ADAMTSL1: variants seen among roughly 807,000 people sequenced by gnomAD.
The protein encoded by ADAMTSL1 is ADAMTS-like protein 1.
In ADAMTSL1, 126 loss-of-function variants were observed where a neutral mutation model predicts 201.8. That is an observed-to-expected ratio of 0.62 (90% CI 0.54 to 0.72). ADAMTSL1 has a LOEUF of 0.72. Ranked by LOEUF, ADAMTSL1 falls within the 30% of genes least tolerant of loss-of-function variation. ADAMTSL1 has a pLI of 0.00. For synonymous variants in ADAMTSL1, 1,121 were observed against 903.4 expected, an observed-to-expected ratio of 1.24 and a Z score of -4.32; for missense variants, 2,679 against 2,277.8, an observed-to-expected ratio of 1.18 and a Z score of -3.59.
At chr9:18,805,689 GC>G (rs920962048) in intron 20 of ADAMTSL1, among the ~76,000 whole-genome samples, 1 of 152,096 alleles carries the variant, frequency 6.6e-6, no homozygotes, top group Non-Finnish European at 1.5e-5. Flanking sequence ...CCCTGCCCCT[GC>G]CCCCTGCAGG....
intron 2 of ADAMTSL1, among the ~76,000 whole-genome samples, chr9:18,292,909 T>C (rs1833330264): frequency 6.6e-6 from 1 of 152,174 alleles, no homozygotes; most frequent in Non-Finnish European, 1.5e-5. Context: ...TTTAATAAAC[T>C]CCCTTTCATA....
rs1329668901 is a variant in ADAMTSL1, at chr9:18,574,122, T to G, written c.330T>G (p.Pro110=). ...ATGGCCAGTTTTATGAATGGCTTCC[T>G]GTGTCTAATGACCCTGACAACCCAT... ...KHHGQFYEWL[P]VSNDPDNPCS... The change falls in exon 4 of 29, where the codon CCT becomes CCG. Residue 110 remains proline (P), a synonymous_variant. Coordinates refer to ENST00000380548, the MANE Select transcript of ADAMTSL1 (RefSeq NM_001040272.6). The G allele has an allele frequency of 5.6e-6, 9 of 1,614,050 alleles. No individual in the cohort carries two copies. Among genetic ancestry groups the G allele is most frequent in the Non-Finnish European group, 4.2e-6 (5 of 1,180,016 alleles).
intron 2 of ADAMTSL1, among the ~76,000 whole-genome samples, chr9:18,442,884 T>G (rs537132632): frequency 6.6e-6 from 1 of 152,260 alleles, no homozygotes; most frequent in African/African-American, 2.4e-5. Flanking sequence ...GCAAATAGGA[T>G]TTAAACTTCT....
At chr9:18,618,726 G>A (rs903107921) in intron 4 of ADAMTSL1, among the ~76,000 whole-genome samples, 5 of 152,160 alleles carry the variant, frequency 3.3e-5, no homozygotes, top group Admixed American at 2.6e-4. Flanking sequence ...CAGCAGGAAG[G>A]TAGGAAGGCA....
chr9:18,485,425 AAC>A (rs1313432316), intron 1 of ADAMTSL1, among the ~76,000 whole-genome samples: 1 of 152,204 alleles, frequency 6.6e-6, no homozygotes, highest in African/African-American at 2.4e-5. Flanking sequence ...CTTTCCTTGA[AAC>A]ACAAAGATAA....
intron 2 of ADAMTSL1, among the ~76,000 whole-genome samples, chr9:18,187,437 G>T (rs1411797): frequency 6.6e-6 from 1 of 152,170 alleles, no homozygotes; most frequent in African/African-American, 2.4e-5. Context: ...TGATTTATTT[G>T]AAGATCTAAA....
intron 1 of ADAMTSL1, among the ~76,000 whole-genome samples, chr9:18,141,750 C>G (rs1220270279): frequency 6.6e-6 from 1 of 152,184 alleles, no homozygotes; most frequent in African/African-American, 2.4e-5. Flanking sequence ...GACAGCATCT[C>G]CTGCACATCA....
intron 1 of ADAMTSL1, among the ~76,000 whole-genome samples, chr9:17,947,560 G>GA (rs1341757795): frequency 6.6e-6 from 1 of 152,042 alleles, no homozygotes; most frequent in Non-Finnish European, 1.5e-5. Context: ...TTTTTAAACT[G>GA]AATTTGCAAT....
At chr9:18,733,889 C>T (rs1260217927) in intron 15 of ADAMTSL1, among the ~76,000 whole-genome samples, 1 of 151,832 alleles carries the variant, frequency 6.6e-6, no homozygotes, top group Non-Finnish European at 1.5e-5. Context: ...CTTTTTTTCT[C>T]ACTCTCCACC....
chr9:17,928,937 C>A (rs1826664840), intron 1 of ADAMTSL1, among the ~76,000 whole-genome samples: 1 of 152,098 alleles, frequency 6.6e-6, no homozygotes, highest in Non-Finnish European at 1.5e-5. Context: ...ACTCTGCTTA[C>A]CACTGCCTGC....
At chr9:18,051,294 C>T (rs556378176) in intron 1 of ADAMTSL1, among the ~76,000 whole-genome samples, 1 of 151,932 alleles carries the variant, frequency 6.6e-6, no homozygotes, top group East Asian at 1.9e-4. Flanking sequence ...GAGCAAGACT[C>T]CATCTCAAAA....
intron 1 of ADAMTSL1, among the ~76,000 whole-genome samples, chr9:18,054,989 G>T (rs546925272): frequency 6.6e-6 from 1 of 152,290 alleles, no homozygotes; most frequent in African/African-American, 2.4e-5. Context: ...TCCCCAGCCG[G>T]TGCTCTAGAG....
intron 19 of ADAMTSL1, among the ~76,000 whole-genome samples, chr9:18,779,058 A>C (rs113497459): frequency 1.3e-5 from 2 of 152,238 alleles, no homozygotes; most frequent in African/African-American, 4.8e-5. Flanking sequence ...CACTATGCCA[A>C]GTTTATTTAT....
intron 20 of ADAMTSL1, among the ~76,000 whole-genome samples, chr9:18,805,213 G>A (rs762391227): frequency 6.8e-4 from 103 of 152,164 alleles, no homozygotes; most frequent in African/African-American, 1.4e-3. Context: ...TAAGCTCTCC[G>A]CATCTGTCCA....
rs554028165 is a variant in ADAMTSL1, at chr9:18,194,577, C to G, written c.207+30596C>G. ...GAGAATGAGTTGAGATTCCTAAGAG[C>G]AAGAATCTTGCTTTCTTGCTGCAGA... On this transcript the variant is annotated intron_variant, in intron 2 of 29. Coordinates refer to the ADAMTSL1 transcript ENST00000680146. 3.3e-5 allele frequency among the ~76,000 whole-genome samples: 5 copies of G among 152,174 alleles called. No individual in the cohort carries two copies. The East Asian group carries it at 9.7e-4, about 30-fold the overall frequency.
At chr9:18,653,892 A>G (rs1037884865) in intron 7 of ADAMTSL1, among the ~76,000 whole-genome samples, 2 of 152,206 alleles carry the variant, frequency 1.3e-5, no homozygotes, top group African/African-American at 2.4e-5. Flanking sequence ...CCTCTTCACT[A>G]TACTGTCCGA....
chr9:18,888,282 G>C (rs527422768), intron 24 of ADAMTSL1, among the ~76,000 whole-genome samples: 1 of 152,118 alleles, frequency 6.6e-6, no homozygotes, highest in African/African-American at 2.4e-5. Context: ...TCATAAATAG[G>C]CCCTTCTGCT....
At chr9:18,233,049 C>T (rs2132415556) in intron 2 of ADAMTSL1, among the ~76,000 whole-genome samples, 1 of 150,824 alleles carries the variant, frequency 6.6e-6, no homozygotes, top group Non-Finnish European at 1.5e-5. Flanking sequence ...CTAGGAAACT[C>T]TGCGAGGTTC....
At chr9:18,133,251 GC>G (rs1005110417) in intron 1 of ADAMTSL1, among the ~76,000 whole-genome samples, 4 of 152,106 alleles carry the variant, frequency 2.6e-5, no homozygotes, top group African/African-American at 9.7e-5. Context: ...CTCCAGTTAG[GC>G]TAATAACTCA....
Sources: allele counts gnomAD v4.1 joint callset (sites outside exome capture counted in the v4.1 genomes callset), GRCh38; gene constraint gnomAD v4.1.1; transcripts MANE v1.5; gene names NCBI Gene and HGNC (gene_info 2026-07-23, HGNC 2026-07-21).